PRKN: variants seen among roughly 807,000 people sequenced by gnomAD.
PRKN encodes parkin RBR E3 ubiquitin protein ligase, also known as E3 ubiquitin-protein ligase parkin.
PRKN carries 56 observed loss-of-function variants against 59.5 expected under a neutral mutation model. That is an observed-to-expected ratio of 0.94 (90% confidence interval 0.76 to 1.18). The LOEUF is 1.18. Among genes scored for constraint, PRKN ranks in the 50% most tolerant of loss-of-function variants. The pLI is 0.00. For synonymous variants in PRKN, 250 were observed against 222.1 expected (o/e 1.13, Z -1.12); for missense variants, 657 against 596.4 (o/e 1.10, Z -1.06).
intron 3 of PRKN, among the ~76,000 whole-genome samples, chr6:162,252,522 T>C (rs995589142): frequency 4.6e-5 from 7 of 152,182 alleles, no homozygotes; most frequent in Non-Finnish European, 8.8e-5. Flanking sequence ...TGTGATGGCA[T>C]TCAGACATAA....
At chr6:162,235,079 C>G (rs551120403) in intron 3 of PRKN, among the ~76,000 whole-genome samples, 1 of 152,154 alleles carries the variant, frequency 6.6e-6, no homozygotes, top group East Asian at 1.9e-4. Flanking sequence ...TGTTATTTTT[C>G]TTATACAAAG....
intron 4 of PRKN, among the ~76,000 whole-genome samples, chr6:162,145,935 T>A (rs896184390): frequency 7.9e-5 from 12 of 152,168 alleles, no homozygotes; most frequent in African/African-American, 2.4e-4. Flanking sequence ...ACAGCACCAA[T>A]CAGAGGCTGA....
At position 162,159,495 on chromosome 6, in the gene PRKN, G is replaced by A. The variant is rs540281234; in HGVS notation, c.534+41636C>T. On this transcript the variant is annotated intron_variant, in intron 4 of 11. Coordinates refer to ENST00000366898, the MANE Select transcript of PRKN (RefSeq NM_004562.3). ...AAAATGGTAAGCATGTCTTTTACAA[G>A]TATCTGAAAATTCAATATTGTTCAG... is the stretch of plus-strand genomic sequence containing the variant. Among the ~76,000 whole-genome samples the A allele has an allele frequency of 7.9e-5, 12 of 152,202 alleles. No individual in the cohort carries two copies. In the South Asian group the frequency reaches 2.5e-3, roughly 32 times the overall value.
rs371073637 is a variant in PRKN, at chr6:162,546,007, C to T, written c.8-102534G>A. 4.1e-3 allele frequency among the ~76,000 whole-genome samples: 628 copies of T among 151,332 alleles called. 3 individuals carry two copies. Among genetic ancestry groups the T allele is most frequent in the Non-Finnish European group, 6.1e-3 (414 of 67,946 alleles). ...TTCTATCAGTATATCTTCTATGGCA[C>T]ACAAGAAGCAATGGTTATTCAGTTA... On this transcript the variant is annotated intron_variant, in intron 1 of 11. Transcript: ENST00000366898.
intron 6 of PRKN, among the ~76,000 whole-genome samples, chr6:161,860,433 A>G (rs548190762): frequency 9.2e-5 from 14 of 152,262 alleles, no homozygotes; most frequent in African/African-American, 3.1e-4. Flanking sequence ...TCCCACTTAA[A>G]TCTTCTTTTT....
intron 4 of PRKN, among the ~76,000 whole-genome samples, chr6:162,058,642 G>A (rs1011593927): frequency 2.6e-5 from 4 of 152,114 alleles, no homozygotes; most frequent in African/African-American, 4.8e-5. Context: ...ACACACCTAC[G>A]TGGCAACAGC....
chr6:161,987,857 T>C (rs190943654), intron 5 of PRKN, among the ~76,000 whole-genome samples: 5 of 152,326 alleles, frequency 3.3e-5, no homozygotes, highest in Admixed American at 2.0e-4. Flanking sequence ...TTTTGAGAAA[T>C]GTATGCTGTG....
intron 1 of PRKN, among the ~76,000 whole-genome samples, chr6:162,682,235 G>A (rs1177431197): frequency 6.6e-6 from 1 of 151,936 alleles, no homozygotes; most frequent in Non-Finnish European, 1.5e-5. Flanking sequence ...CAGAGAACTG[G>A]TTAAGAAGAT....
chr6:161,900,082 G>C (rs1777828332), intron 6 of PRKN, among the ~76,000 whole-genome samples: 1 of 151,736 alleles, frequency 6.6e-6, no homozygotes, highest in Non-Finnish European at 1.5e-5. Context: ...CTTCACTCCA[G>C]CCTAGGTGAC....
At position 162,056,931 on chromosome 6, in the gene PRKN, G is replaced by A. The variant is rs73030490; in HGVS notation, c.535-2757C>T. On this transcript the variant is annotated intron_variant, in intron 4 of 11. Coordinates refer to ENST00000366898, the MANE Select transcript of PRKN (RefSeq NM_004562.3). The surrounding 1 kb of genome is among the most constrained non-coding windows in gnomAD (Gnocchi z 4.9). ...GGGAGGACTCAGAGCCTTGCCTGCG[G>A]TTTCCTCTAAACTCCTCCCCCTGGG... Among the ~76,000 whole-genome samples the A allele has an allele frequency of 0.054, 8,270 of 152,172 alleles. 280 individuals carry two copies. The highest frequency in any genetic ancestry group is 0.08 in the African/African-American group (3,321 of 41,508).
chr6:162,448,617 T>C (rs1041324867), intron 1 of PRKN, among the ~76,000 whole-genome samples: 6 of 152,130 alleles, frequency 3.9e-5, no homozygotes, highest in African/African-American at 1.4e-4. Flanking sequence ...GACATACTTT[T>C]GTAGCTTCCT....
intron 6 of PRKN, among the ~76,000 whole-genome samples, chr6:161,831,318 A>T (rs6914515): frequency 0.27 from 40,884 of 152,170 alleles, 5,818 homozygotes; most frequent in African/African-American, 0.35. Flanking sequence ...GTGAAGCTGT[A>T]ATTTGTCCAG....
intron 7 of PRKN, among the ~76,000 whole-genome samples, chr6:161,658,030 A>AAAAAAAAAAAGAAAAG (rs781518268): frequency 9.5e-6 from 1 of 104,880 alleles, no homozygotes; most frequent in Non-Finnish European, 1.9e-5. Flanking sequence ...AAAAAAAAAA[A>AAAAAAAAAAAGAAAAG]AAAAGAAAAG....
At chr6:161,676,678 C>T (rs1027819608) in intron 7 of PRKN, among the ~76,000 whole-genome samples, 3 of 152,152 alleles carry the variant, frequency 2.0e-5, no homozygotes, top group African/African-American at 7.2e-5. Flanking sequence ...ATCTGGCTCT[C>T]TGCAGGAAAA....
Position 161,548,416 on chromosome 6 carries a change from T to C in PRKN, c.1083+438A>G, listed in dbSNP as rs145607146. 1.3e-5 allele frequency among the ~76,000 whole-genome samples: 2 copies of C among 152,226 alleles called. No individual in the cohort carries two copies. Among genetic ancestry groups the C allele is most frequent in the Non-Finnish European group, 2.9e-5 (2 of 68,040 alleles). ...ATAATAACATTTCAAGTTTTCCACA[T>C]TAACCTTCATTTTATTTCTTGAAAT... On this transcript the variant is annotated intron_variant, in intron 9 of 11. Transcript: ENST00000366898. The surrounding 1 kb of genome is among the most constrained non-coding windows in gnomAD (Gnocchi z 4.2).
Position 161,460,240 on chromosome 6 carries a change from ATTATT to A in PRKN, c.1084-73368_1084-73364del, listed in dbSNP as rs1443197949. ...GATGTCACAGAGGTTGCAACAAAAG[ATTATT>A]TTATTTAATTCTTGTTGATGGGCAC... On this transcript the variant is annotated intron_variant, in intron 9 of 11. Coordinates refer to ENST00000366898, the MANE Select transcript of PRKN (RefSeq NM_004562.3). The surrounding 1 kb of genome is among the most constrained non-coding windows in gnomAD (Gnocchi z 5.0). Among the ~76,000 whole-genome samples, 4 of 152,188 alleles carry A rather than the reference ATTATT, an allele frequency of 2.6e-5. No individual in the cohort carries two copies. The highest frequency in any genetic ancestry group is 6.5e-5 in the Admixed American group (1 of 15,272).
At chr6:162,144,546 C>G (rs1284881405) in intron 4 of PRKN, among the ~76,000 whole-genome samples, 1 of 152,148 alleles carries the variant, frequency 6.6e-6, no homozygotes, top group Non-Finnish European at 1.5e-5. Context: ...TGGGAGCTGG[C>G]TTCCCTACAA....
At chr6:162,095,548 A>C (rs1333954841) in intron 4 of PRKN, among the ~76,000 whole-genome samples, 1 of 152,178 alleles carries the variant, frequency 6.6e-6, no homozygotes, top group Non-Finnish European at 1.5e-5. Flanking sequence ...TGACCTATTA[A>C]TTTAAGTAAT....
intron 6 of PRKN, among the ~76,000 whole-genome samples, chr6:161,807,384 C>T (rs527573712): frequency 6.6e-6 from 1 of 152,292 alleles, no homozygotes; most frequent in African/African-American, 2.4e-5. Context: ...CACAGAGCTA[C>T]ATGGACACAC....
Sources: allele counts gnomAD v4.1 joint callset (sites outside exome capture counted in the v4.1 genomes callset), GRCh38; gene constraint gnomAD v4.1.1; non-coding constraint Gnocchi (gnomAD v3.1); transcripts MANE v1.5; gene names NCBI Gene and HGNC (gene_info 2026-07-23, HGNC 2026-07-21).